TANC1: variants seen among roughly 807,000 people sequenced by gnomAD.
TANC1 encodes the protein protein TANC1.
In TANC1, 77 loss-of-function variants were observed where a neutral mutation model predicts 149.7. That is an observed-to-expected ratio of 0.51 (90% CI 0.43 to 0.62). The LOEUF (loss-of-function observed/expected upper bound fraction) is 0.62. Ranked by LOEUF, TANC1 falls within the 20% of genes least tolerant of loss-of-function variation. The pLI is 0.00. For synonymous variants in TANC1, 854 were observed against 925.0 expected, an observed-to-expected ratio of 0.92 and a Z score of 1.39; for missense variants, 1,985 against 2,321.8, an observed-to-expected ratio of 0.85 and a Z score of 2.98.
chr2:159,201,130 G>C (rs763290008), intron 19 of TANC1, among the ~76,000 whole-genome samples: 3 of 152,152 alleles, frequency 2.0e-5, no homozygotes, highest in Non-Finnish European at 4.4e-5. Context: ...GCATTTTTCT[G>C]TCTGGTACCT....
intron 3 of TANC1, among the ~76,000 whole-genome samples, chr2:159,068,868 T>G (rs2042899010): frequency 1.3e-5 from 2 of 151,948 alleles, no homozygotes; most frequent in South Asian, 4.2e-4. Flanking sequence ...GCCTCCCGAG[T>G]AGTTGGGATT....
At chr2:159,181,737 C>T (rs1226623803) in intron 14 of TANC1, among the ~76,000 whole-genome samples, 1 of 152,192 alleles carries the variant, frequency 6.6e-6, no homozygotes, top group Non-Finnish European at 1.5e-5. Context: ...TTTAATTCTC[C>T]ATGCCTTCCT....
intron 2 of TANC1, among the ~76,000 whole-genome samples, chr2:159,038,236 G>C (rs55812913): frequency 6.6e-6 from 1 of 152,168 alleles, no homozygotes; most frequent in South Asian, 2.1e-4. Flanking sequence ...TTGCTTATCA[G>C]CTTAAGGAGA....
intron 2 of TANC1, among the ~76,000 whole-genome samples, chr2:159,064,954 A>C (rs956184976): frequency 2.0e-5 from 3 of 151,610 alleles, no homozygotes; most frequent in Non-Finnish European, 4.4e-5. Flanking sequence ...TTGCCTGTTC[A>C]ATAGAGACCT....
chr2:159,163,379 T>A lies in TANC1; in HGVS notation c.779T>A (p.Val260Glu). 3.1e-6 allele frequency: 5 copies of A among 1,614,014 alleles called. No homozygotes were observed. Among genetic ancestry groups the A allele is most frequent in the Non-Finnish European group, 4.2e-6 (5 of 1,179,998 alleles). Reference protein sequence around the residue: ...GNLRLGVQKGVLHDRRADNCS... With the variant: ...GNLRLGVQKGELHDRRADNCS... The stretch of plus-strand genomic sequence containing the variant: ...CTAAGATTAGGGGTTCAGAAGGGAG[T>A]GCTTCATGACCGCAGGGCAGATAAC... Residue 260 changes from valine to glutamate, a missense_variant, in exon 8 of 27, where the codon GTG becomes GAG. Val to Glu is a moderately radical substitution (Grantham distance 121). Around this residue, in one of 3 missense-constraint regions of TANC1, gnomAD observed 557 missense variants for 612.9 expected, o/e 0.91. Coordinates refer to ENST00000263635, the MANE Select transcript of TANC1 (RefSeq NM_033394.3).
At chr2:159,128,620 C>T (rs146306111) in intron 4 of TANC1, among the ~76,000 whole-genome samples, 1,699 of 152,254 alleles carry the variant, frequency 0.011, 28 homozygotes, top group African/African-American at 0.038. Context: ...TCCCCCGAGC[C>T]GTGCCTCAAC....
At chr2:159,223,630 T>G (rs2059833360) in intron 22 of TANC1, among the ~76,000 whole-genome samples, 1 of 152,358 alleles carries the variant, frequency 6.6e-6, no homozygotes, top group South Asian at 2.1e-4. Flanking sequence ...CAGTATTTCT[T>G]CCTCTTGTTT....
chr2:159,093,596 T>C (rs1228974775), intron 3 of TANC1, among the ~76,000 whole-genome samples: 4 of 152,204 alleles, frequency 2.6e-5, no homozygotes, highest in African/African-American at 9.7e-5. Flanking sequence ...ATAAAACTTC[T>C]CTCCCTACTT....
At chr2:158,969,144 G>T (rs964692376) in intron 1 of TANC1, among the ~76,000 whole-genome samples, 1 of 152,180 alleles carries the variant, frequency 6.6e-6, no homozygotes, top group African/African-American at 2.4e-5. Context: ...CGCCCGGCGC[G>T]CCCGCTCGCC....
At chr2:159,070,757 C>G (rs1359160189) in intron 3 of TANC1, among the ~76,000 whole-genome samples, 1 of 152,160 alleles carries the variant, frequency 6.6e-6, no homozygotes, top group African/African-American at 2.4e-5. Context: ...ATGGACTTTA[C>G]TATCCACCAC....
chr2:159,041,385 C>G (rs1010211630), intron 2 of TANC1, among the ~76,000 whole-genome samples: 1 of 152,224 alleles, frequency 6.6e-6, no homozygotes, highest in Non-Finnish European at 1.5e-5. Flanking sequence ...GCCCTTCCCC[C>G]AGAGGAGGAG....
rs548260142 is a variant in TANC1, at chr2:159,032,810, T to C, written c.-16+31621T>C. ...TAGGAGTTCCCTTCTGCATTGTGCATGAACTGAGCCCCAGATTTTGGCAGC... is the reference window on the plus strand; with the variant it reads ...TAGGAGTTCCCTTCTGCATTGTGCACGAACTGAGCCCCAGATTTTGGCAGC... On this transcript the variant is annotated intron_variant, in intron 2 of 26. Transcript: ENST00000263635. Among the ~76,000 whole-genome samples the C allele has an allele frequency of 7.9e-5, 12 of 152,208 alleles. No homozygotes were observed. In the South Asian group the frequency reaches 2.5e-3, roughly 32 times the overall value.
chr2:159,020,865 A>G (rs919645634), intron 2 of TANC1, among the ~76,000 whole-genome samples: 2 of 150,608 alleles, frequency 1.3e-5, no homozygotes, highest in African/African-American at 4.9e-5. Context: ...TGGGGCAGTC[A>G]GTCTCTTTTT....
chr2:159,167,794 A>G (rs981730575), intron 8 of TANC1, among the ~76,000 whole-genome samples: 4 of 152,022 alleles, frequency 2.6e-5, no homozygotes, highest in Admixed American at 2.6e-4. Context: ...ATGAGAGAGG[A>G]TGATATGGAT....
intron 3 of TANC1, among the ~76,000 whole-genome samples, chr2:159,073,421 A>G (rs569199079): frequency 6.6e-6 from 1 of 152,284 alleles, no homozygotes; most frequent in Non-Finnish European, 1.5e-5. Flanking sequence ...GTCACCCTGG[A>G]CTAATAAGAC....
chr2:159,051,977 C>G (rs1442164966), intron 2 of TANC1, among the ~76,000 whole-genome samples: 1 of 152,110 alleles, frequency 6.6e-6, no homozygotes, highest in Admixed American at 6.5e-5. Flanking sequence ...TATTTATCTT[C>G]CTATGGGCAT....
At chr2:159,003,908 C>T (rs2036873849) in intron 2 of TANC1, 3 of 1,612,694 alleles carry the variant, frequency 1.9e-6, no homozygotes, top group Non-Finnish European at 1.7e-6. Context: ...GGATACAGCT[C>T]GCAGAAAGAA....
At chr2:159,028,490 A>C (rs2039528192) in intron 2 of TANC1, among the ~76,000 whole-genome samples, 2 of 152,198 alleles carry the variant, frequency 1.3e-5, no homozygotes, top group African/African-American at 4.8e-5. Flanking sequence ...AGAACTTTGA[A>C]GCTAATGTAA....
At chr2:159,203,067 C>T (rs1003771350) in intron 19 of TANC1, among the ~76,000 whole-genome samples, 1 of 152,190 alleles carries the variant, frequency 6.6e-6, no homozygotes, top group Non-Finnish European at 1.5e-5. Context: ...GAACAGAGGC[C>T]CTTCTGCTCC....
Sources: gnomAD v4.1 joint callset for allele counts (sites outside exome capture counted in the v4.1 genomes callset) on GRCh38, gnomAD v4.1.1 for gene constraint, gnomAD v4.1.1 regional missense constraint, MANE v1.5 for transcripts, NCBI Gene and HGNC (gene_info 2026-07-23, HGNC 2026-07-21) for gene names.